PMM1: variants seen among roughly 807,000 people sequenced by gnomAD.
PMM1 encodes phosphomannomutase 1, also known as brain glucose-1,6-bisphosphatase.
PMM1 carries 25 observed loss-of-function variants against 34.0 expected under a neutral mutation model. That is an observed-to-expected ratio of 0.73 (90% CI 0.54 to 1.03). The LOEUF is 1.03. Among genes scored for constraint, PMM1 ranks in the 50% least tolerant of loss-of-function variants. PMM1 has a pLI of 0.00. For synonymous variants in PMM1, 134 were observed against 143.9 expected, an observed-to-expected ratio of 0.93 and a Z score of 0.49; for missense variants, 321 against 350.1, an observed-to-expected ratio of 0.92 and a Z score of 0.66.
intron 6 of PMM1, 100 bp downstream of exon 6, chr22:41,578,706 C>A: frequency 2.1e-6 from 2 of 965,016 alleles, no homozygotes; most frequent in East Asian, 2.5e-5. Context: ...GGAGGGGCTA[C>A]TAAAGCTACT....
At chr22:41,578,456 G>A (rs2145609443) in intron 6 of PMM1, among the ~76,000 whole-genome samples, 1 of 152,208 alleles carries the variant, frequency 6.6e-6, no homozygotes, top group East Asian at 1.9e-4. Context: ...ACAAGCTGCT[G>A]GCAGTGGAAG....
chr22:41,578,639 G>A (rs2067204946), intron 6 of PMM1, among the ~76,000 whole-genome samples, 167 bp downstream of exon 6: 1 of 152,094 alleles, frequency 6.6e-6, no homozygotes, highest in African/African-American at 2.4e-5. Flanking sequence ...CTGGGGGCCA[G>A]TAAACACTGA....
rs1208167221 is a variant in PMM1 at position 41,584,126 on chromosome 22, C to T, written c.375-68G>A. On this transcript the variant is annotated intron_variant, in intron 4 of 7. Transcript: ENST00000216259. Reference sequence around the variant, plus strand: ...GCCCTGAATTCAAATCTAGCCCCACCTGGGACCCCAGCCTCCTAGGACTTC... The same window carrying T: ...GCCCTGAATTCAAATCTAGCCCCACTTGGGACCCCAGCCTCCTAGGACTTC... 4 of 1,386,934 alleles carry T rather than the reference C, an allele frequency of 2.9e-6. No individual in the cohort carries two copies. In the Admixed American group the frequency reaches 5.0e-5, roughly 17 times the overall value. The allele number at this position is 1,386,934 out of a possible 1,614,324, so 85.9% of individuals were successfully genotyped here. A position where few individuals can be genotyped will look rare whatever the true frequency, so the allele number is the denominator to read the frequency against.
chr22:41,589,659 C>T, intron 1 of PMM1, 60 bp downstream of exon 1: 1 of 1,424,922 alleles, frequency 7.0e-7, no homozygotes, highest in South Asian at 1.2e-5. Context: ...ACCCCACACT[C>T]AGCCTCGGGG....
intron 5 of PMM1, chr22:41,579,405 C>G (rs1398284547): frequency 6.4e-6 from 1 of 155,114 alleles, no homozygotes; most frequent in Admixed American, 6.3e-5. Context: ...CCCAGGCCGG[C>G]CCCGTCCCTC....
intron 6 of PMM1, among the ~76,000 whole-genome samples, chr22:41,578,562 T>C (rs1056057415): frequency 2.6e-5 from 4 of 152,086 alleles, no homozygotes; most frequent in Non-Finnish European, 2.9e-5. Context: ...GGAGAGGCTC[T>C]GGTTTTTTGG....
intron 5 of PMM1, among the ~76,000 whole-genome samples, chr22:41,581,136 CCCAAAACCAAA>C (rs2067242789): frequency 8.0e-6 from 1 of 125,576 alleles, no homozygotes; most frequent in Non-Finnish European, 1.8e-5. Context: ...AAAAAAAAAA[CCCAAAACCAAA>C]CCAAAACCAA....
At position 41,578,800 on chromosome 22, in the gene PMM1, A is replaced by G; in HGVS notation, c.550+6T>C. Reference sequence around the variant, plus strand: ...GCCTCCCAGGTCCTCTGCAGGGTGGACGTACCTCGAGAGAACCTCAGCCCT... The same window carrying G: ...GCCTCCCAGGTCCTCTGCAGGGTGGGCGTACCTCGAGAGAACCTCAGCCCT... On this transcript the variant is annotated splice_donor_region_variant and intron_variant, in intron 6 of 7. Coordinates refer to ENST00000216259, the MANE Select transcript of PMM1 (RefSeq NM_002676.3). 2 of 1,613,060 alleles carry G rather than the reference A, an allele frequency of 1.2e-6. No homozygotes were observed. Among genetic ancestry groups the G allele is most frequent in the South Asian group, 2.2e-5 (2 of 91,046 alleles).
chr22:41,586,586 G>A (rs926295794), intron 1 of PMM1, among the ~76,000 whole-genome samples: 1 of 151,938 alleles, frequency 6.6e-6, no homozygotes, highest in Non-Finnish European at 1.5e-5. Context: ...TCAGCTCACT[G>A]CAACCTCTGC....
Position 41,584,065 on chromosome 22 carries a change from G to A in PMM1, c.375-7C>T, listed in dbSNP as rs1292722054. ...GAACTCGATGAAGGTTCCACTGGTG[G>A]TGAGGGAGGGCGGGGAGCCAGAGAG... On this transcript the variant is annotated splice_polypyrimidine_tract_variant and splice_region_variant and intron_variant, in intron 4 of 7. Coordinates refer to ENST00000216259, the MANE Select transcript of PMM1 (RefSeq NM_002676.3). 1.2e-6 allele frequency: 2 copies of A among 1,605,784 alleles called. No individual in the cohort carries two copies. Among genetic ancestry groups the A allele is most frequent in the Admixed American group, 1.7e-5 (1 of 60,002 alleles).
At chr22:41,583,909 A>C (rs1401077278) in intron 5 of PMM1, 50 bp downstream of exon 5, 3 of 1,119,340 alleles carry the variant, frequency 2.7e-6, no homozygotes, top group Non-Finnish European at 4.1e-6. Context: ...GGCTCAGATA[A>C]ATTGAGTGAC....
rs761409368 is a variant in PMM1, at chr22:41,586,133, C to A, written c.148G>T (p.Val50Leu). The A allele has an allele frequency of 1.2e-6, 2 of 1,612,682 alleles. No homozygotes were observed. Among genetic ancestry groups the A allele is most frequent in the Non-Finnish European group, 1.7e-6 (2 of 1,179,566 alleles). ...TTACAGTAGTCAGAGCCGCCCACCA[C>A]ACCGATCTGCACTCTACTTCGTAGC... is the stretch of plus-strand genomic sequence containing the variant. ...QKLRSRVQIG[V>L]VGGSDYCKIA... Residue 50 changes from valine to leucine, a missense_variant, in exon 2 of 8, where the codon GTG (valine) becomes TTG (leucine). Transcript: ENST00000216259.
intron 1 of PMM1, 30 bp downstream of exon 1, chr22:41,589,689 G>A (rs377442968): frequency 5.7e-6 from 9 of 1,582,632 alleles, no homozygotes; most frequent in South Asian, 2.3e-5. Flanking sequence ...TGACACTCCC[G>A]GTGGGAGCTT....
intron 5 of PMM1, among the ~76,000 whole-genome samples, chr22:41,580,935 T>C (rs4822043): frequency 0.28 from 42,270 of 151,706 alleles, 6,935 homozygotes; most frequent in Admixed American, 0.45. Flanking sequence ...GCCAGCATGG[T>C]GAAACCCTGT....
Position 41,586,067 on chromosome 22 carries a change from C to T in PMM1, c.205+9G>A. The T allele has an allele frequency of 2.5e-6, 4 of 1,595,536 alleles. No individual in the cohort carries two copies. The highest frequency in any genetic ancestry group is 3.4e-6 in the Non-Finnish European group (4 of 1,170,486). ...TCCCCACTCCCTCTACCCCCAGCCT[C>T]ACTCCTACCTTCATCCCCGTCACCC... On this transcript the variant is annotated intron_variant, in intron 2 of 7. Coordinates refer to ENST00000216259, the MANE Select transcript of PMM1 (RefSeq NM_002676.3).
chr22:41,586,461 GAAA>G, intron 1 of PMM1: 1 of 475,474 alleles, frequency 2.1e-6, no homozygotes, highest in Non-Finnish European at 3.4e-6. Flanking sequence ...TTGTCTCTAT[GAAA>G]AAAAAAATTT....
chr22:41,581,482 T>A (rs530338203), intron 5 of PMM1, among the ~76,000 whole-genome samples: 1 of 152,330 alleles, frequency 6.6e-6, no homozygotes, highest in East Asian at 1.9e-4. Flanking sequence ...ACTCCCTATG[T>A]GACCTCGGGC....
At chr22:41,587,244 TG>T (rs1485744578) in intron 1 of PMM1, among the ~76,000 whole-genome samples, 8 of 147,062 alleles carry the variant, frequency 5.4e-5, no homozygotes, top group Admixed American at 4.8e-4. Flanking sequence ...CACTCCAGCC[TG>T]GGCGACAGAG....
intron 1 of PMM1, 98 bp from the exon 2 acceptor site, chr22:41,586,291 T>A: frequency 2.5e-6 from 4 of 1,573,738 alleles, no homozygotes; most frequent in South Asian, 2.3e-5. Flanking sequence ...GAAGCCCACA[T>A]TCTACCTGGA....
Sources: allele counts gnomAD v4.1 joint callset (sites outside exome capture counted in the v4.1 genomes callset), GRCh38; gene constraint gnomAD v4.1.1; transcripts MANE v1.5; gene names NCBI Gene and HGNC (gene_info 2026-07-23, HGNC 2026-07-21).